The following JAZF1 variants were observed in gnomAD, a reference collection of about 807,000 sequenced individuals.
JAZF1 encodes JAZF zinc finger 1.
A neutral mutation model predicts 26.4 loss-of-function variants in JAZF1; 8 were observed. The observed-to-expected ratio is 0.30, with a 90% CI of 0.18 to 0.55. The LOEUF (loss-of-function observed/expected upper bound fraction) is 0.55. JAZF1 is among the 20% of genes least tolerant of loss of function. The pLI is 0.94. For synonymous variants in JAZF1, 126 were observed against 122.3 expected (o/e 1.03, Z -0.20); for missense variants, 199 against 322.0 (o/e 0.62, Z 2.92).
At chr7:27,930,973 C>T (rs1784681394) in intron 2 of JAZF1, among the ~76,000 whole-genome samples, 2 of 152,180 alleles carry the variant, frequency 1.3e-5, no homozygotes, top group Non-Finnish European at 2.9e-5. Flanking sequence ...TGTTAAAAAT[C>T]ACATCTTTAC....
chr7:28,024,951 T>C (rs1161495023), intron 1 of JAZF1, among the ~76,000 whole-genome samples: 1 of 152,238 alleles, frequency 6.6e-6, no homozygotes, highest in African/African-American at 2.4e-5. Context: ...CTGAGGTTCC[T>C]TCTTTGAAAG....
chr7:28,180,439 C>G, intron 1 of JAZF1, 24 bp downstream of exon 1: 1 of 1,592,848 alleles, frequency 6.3e-7, no homozygotes, highest in Non-Finnish European at 8.6e-7. Flanking sequence ...GCCTGGCACC[C>G]CCGCCCACCC....
intron 1 of JAZF1, among the ~76,000 whole-genome samples, chr7:28,064,862 A>G (rs1783854735): frequency 2.0e-5 from 3 of 152,282 alleles, no homozygotes; most frequent in Admixed American, 1.3e-4. Context: ...GCTTAACAGG[A>G]TATCTTAAAT....
intron 1 of JAZF1, among the ~76,000 whole-genome samples, chr7:28,072,041 T>G (rs1783986117): frequency 6.6e-6 from 1 of 152,232 alleles, no homozygotes; most frequent in Non-Finnish European, 1.5e-5. Flanking sequence ...CAAACACGTC[T>G]TCTGTTCTAA....
intron 3 of JAZF1, among the ~76,000 whole-genome samples, chr7:27,856,823 T>C (rs562910369): frequency 3.9e-5 from 6 of 152,212 alleles, no homozygotes; most frequent in Non-Finnish European, 7.4e-5. Flanking sequence ...AGTAACTAGA[T>C]AGAGAGTGCT....
chr7:28,100,714 G>A (rs1784459361), intron 1 of JAZF1, among the ~76,000 whole-genome samples: 1 of 152,154 alleles, frequency 6.6e-6, no homozygotes, highest in South Asian at 2.1e-4. Context: ...AAAGAAAACA[G>A]AATCACAAGA....
chr7:27,917,269 G>A (rs926393099), intron 2 of JAZF1, among the ~76,000 whole-genome samples: 8 of 152,136 alleles, frequency 5.3e-5, no homozygotes, highest in African/African-American at 1.7e-4. Flanking sequence ...GCTTTCCATG[G>A]AGGCACAGTC....
chr7:28,114,837 T>C (rs1387966630), intron 1 of JAZF1, among the ~76,000 whole-genome samples: 1 of 150,916 alleles, frequency 6.6e-6, no homozygotes, highest in Non-Finnish European at 1.5e-5. Flanking sequence ...AGGTGCCACG[T>C]GAACGGGGCT....
intron 1 of JAZF1, among the ~76,000 whole-genome samples, chr7:28,156,934 T>G (rs1259305202): frequency 6.6e-6 from 1 of 152,196 alleles, no homozygotes; most frequent in Admixed American, 6.5e-5. Context: ...TATGCTACAT[T>G]TCCCATATTT....
At chr7:28,041,277 C>T (rs553382994) in intron 1 of JAZF1, among the ~76,000 whole-genome samples, 22 of 152,160 alleles carry the variant, frequency 1.4e-4, no homozygotes, top group African/African-American at 4.8e-4. Flanking sequence ...ATATTGCTGA[C>T]GGTGGAGGGA....
intron 1 of JAZF1, among the ~76,000 whole-genome samples, chr7:27,996,117 C>T (rs1023859659): frequency 3.9e-5 from 6 of 152,180 alleles, no homozygotes; most frequent in African/African-American, 7.2e-5. Context: ...CAAGTCTAAA[C>T]GAAAACTCTA....
intron 1 of JAZF1, among the ~76,000 whole-genome samples, chr7:28,135,203 A>T (rs555001117): frequency 2.0e-5 from 3 of 152,248 alleles, no homozygotes; most frequent in African/African-American, 7.2e-5. Context: ...CTTAAATGTG[A>T]ACATGTAAAC....
chr7:28,071,281 A>T (rs1783971848), intron 1 of JAZF1, among the ~76,000 whole-genome samples: 1 of 152,194 alleles, frequency 6.6e-6, no homozygotes, highest in South Asian at 2.1e-4. Flanking sequence ...TTATGAAAAG[A>T]GCTCATCACA....
At chr7:27,891,870 A>G (rs1441491576) in intron 3 of JAZF1, among the ~76,000 whole-genome samples, 1 of 152,190 alleles carries the variant, frequency 6.6e-6, no homozygotes, top group Admixed American at 6.5e-5. Context: ...TTGCAAAACA[A>G]ACATTGATTC....
chr7:28,057,952 T>G (rs1783739014), intron 1 of JAZF1, among the ~76,000 whole-genome samples: 1 of 152,204 alleles, frequency 6.6e-6, no homozygotes, highest in Non-Finnish European at 1.5e-5. Context: ...TTAATTCCAG[T>G]TCTTGTTTCA....
At chr7:27,924,071 C>T (rs1784574272) in intron 2 of JAZF1, among the ~76,000 whole-genome samples, 1 of 152,250 alleles carries the variant, frequency 6.6e-6, no homozygotes, top group South Asian at 2.1e-4. Flanking sequence ...TCATTTTCTC[C>T]TCTGGCAGCT....
At chr7:28,162,841 T>C (rs1045208871) in intron 1 of JAZF1, among the ~76,000 whole-genome samples, 7 of 152,154 alleles carry the variant, frequency 4.6e-5, no homozygotes, top group African/African-American at 7.2e-5. Context: ...AATATGCAAG[T>C]GAAAAAAGGA....
At chr7:27,883,116 T>A (rs903955881) in intron 3 of JAZF1, among the ~76,000 whole-genome samples, 2 of 152,202 alleles carry the variant, frequency 1.3e-5, no homozygotes, top group East Asian at 3.8e-4. Flanking sequence ...GCTCTGGACG[T>A]TGGCTTAAAA....
intron 2 of JAZF1, among the ~76,000 whole-genome samples, chr7:27,987,496 C>A (rs1278454432): frequency 6.6e-6 from 1 of 152,104 alleles, no homozygotes; most frequent in Non-Finnish European, 1.5e-5. Flanking sequence ...CAGCCCCCAC[C>A]CGGCCAGCCA....
Sources: allele counts gnomAD v4.1 joint callset (sites outside exome capture counted in the v4.1 genomes callset), GRCh38; gene constraint gnomAD v4.1.1; transcripts MANE v1.5; gene names NCBI Gene and HGNC (gene_info 2026-07-23, HGNC 2026-07-21).